Variants in TCF3 observed in about 807,000 individuals in gnomAD.
TCF3 encodes the protein transcription factor 3.
A neutral mutation model predicts 72.3 loss-of-function variants in TCF3; 54 were observed. The ratio of observed to expected loss-of-function variants is 0.75; its 90% confidence interval spans 0.60 to 0.94. TCF3 has a LOEUF of 0.94. TCF3 is among the 40% of genes least tolerant of loss of function. The pLI is 0.00. For missense variants in TCF3, 1,078 were observed against 934.4 expected (o/e 1.15, Z -2.00); for synonymous variants, 525 against 412.6 (o/e 1.27, Z -3.30).
At position 1,627,399 on chromosome 19, in the gene TCF3, G is replaced by C; in HGVS notation, c.326C>G (p.Ala109Gly). The C allele has an allele frequency of 5.6e-6, 9 of 1,612,032 alleles. No homozygotes were observed. Among genetic ancestry groups the C allele is most frequent in the Non-Finnish European group, 7.6e-6 (9 of 1,179,730 alleles). ...CACGCCTGCGTCTCTCCCGAAGGAG[G>C]CATAGGCGCCCCGCTCACCGCTCTT... ...GGKSGERGAYASFGRDAGVGG... is the reference protein window; with the variant it reads ...GGKSGERGAYGSFGRDAGVGG... Residue 109 changes from alanine to glycine, a missense_variant, in exon 6 of 19, where the codon GCC becomes GGC. By Grantham distance (60) the Ala-to-Gly change is moderately conservative. Transcript: ENST00000262965.
At chr19:1,633,217 C>G (rs2063934454) in intron 3 of TCF3, among the ~76,000 whole-genome samples, 1 of 152,216 alleles carries the variant, frequency 6.6e-6, no homozygotes, top group Non-Finnish European at 1.5e-5. Context: ...GGCCACAGAG[C>G]ACACCCGTGG....
At chr19:1,619,913 G>A in intron 13 of TCF3, 60 bp from the exon 14 acceptor site, 1 of 1,395,660 alleles carries the variant, frequency 7.2e-7, no homozygotes, top group Non-Finnish European at 9.9e-7. Context: ...ATGGCCTGAT[G>A]CCCATGGGGA....
At chr19:1,652,070 G>C (rs1465401484) in intron 1 of TCF3, among the ~76,000 whole-genome samples, 6 of 150,512 alleles carry the variant, frequency 4.0e-5, no homozygotes, top group East Asian at 4.0e-4. Context: ...CCGGCCCGAC[G>C]GGGGCGACGC....
chr19:1,646,460 C>T (rs1281105310), intron 2 of TCF3, 33 bp from the exon 3 acceptor site: 11 of 1,347,324 alleles, frequency 8.2e-6, no homozygotes, highest in Admixed American at 6.0e-5. Flanking sequence ...GTGAGCGGGG[C>T]GGGTGGCAAA....
Position 1,622,334 on chromosome 19 carries a change from G to T in TCF3, c.631C>A (p.Pro211Thr). ...GTACCTGCCACGTAGAAGGGGGCGGGATAGGTGCTGCTGGGGGTCTTGGCG... is the reference window on the plus strand; with the variant it reads ...GTACCTGCCACGTAGAAGGGGGCGGTATAGGTGCTGCTGGGGGTCTTGGCG... ...PSAKTPSSTYPAPFYVADGSL... is the reference protein window; with the variant it reads ...PSAKTPSSTYTAPFYVADGSL... The change falls in exon 9 of 19, where the codon CCC becomes ACC. Residue 211 changes from proline (P) to threonine (T), a missense_variant. By Grantham distance (38) the Pro-to-Thr change is conservative (BLOSUM62 -1). Coordinates refer to ENST00000262965, the MANE Select transcript of TCF3 (RefSeq NM_003200.5). The T allele has an allele frequency of 1.4e-6, 2 of 1,468,302 alleles. No individual in the cohort carries two copies. The allele number at this position is 1,468,302 out of a possible 1,614,324, so 91.0% of individuals were successfully genotyped here.
chr19:1,621,204 A>C lies in TCF3; in HGVS notation c.956-13T>G. On this transcript the variant is annotated splice_polypyrimidine_tract_variant and intron_variant, in intron 11 of 18. Coordinates refer to ENST00000262965, the MANE Select transcript of TCF3 (RefSeq NM_003200.5). ...GTCCCTCGGGAGCCTGTGGGTGAAGAGAGGTGAGGCCCACGCAGCCCGGCC... is the reference window on the plus strand; with the variant it reads ...GTCCCTCGGGAGCCTGTGGGTGAAGCGAGGTGAGGCCCACGCAGCCCGGCC... 6.5e-7 allele frequency: 1 copy of C among 1,534,396 alleles called. No individual in the cohort carries two copies. The highest frequency in any genetic ancestry group is 8.7e-7 in the Non-Finnish European group (1 of 1,145,744).
At chr19:1,638,443 C>T (rs1266029939) in intron 3 of TCF3, among the ~76,000 whole-genome samples, 3 of 152,130 alleles carry the variant, frequency 2.0e-5, no homozygotes, top group South Asian at 2.1e-4. Context: ...CCACCGCGCC[C>T]GGCTAATTTT....
Position 1,615,149 on chromosome 19 carries a change from GCA to G in TCF3, c.1822+134_1822+135del. 9.5e-7 allele frequency: 1 copy of G among 1,054,848 alleles called. No homozygotes were observed. The highest frequency in any genetic ancestry group is 1.3e-6 in the Non-Finnish European group (1 of 749,258). 65.3% of individuals were successfully genotyped at this position (1,054,848 alleles called of 1,614,324 possible). ...GGCAATGCGGTCAGAGGGGTGAAGG[GCA>G]CAGTCACTGCAAGGAGGCAACTGCT... On this transcript the variant is annotated intron_variant, in intron 18 of 18. Coordinates refer to ENST00000262965, the MANE Select transcript of TCF3 (RefSeq NM_003200.5). The surrounding 1 kb of genome is among the most constrained non-coding windows in gnomAD (Gnocchi z 7.3).
intron 14 of TCF3, 31 bp downstream of exon 14, chr19:1,619,749 A>ACGGGTGGGGT: frequency 5.8e-6 from 3 of 513,040 alleles, no homozygotes; most frequent in Non-Finnish European, 8.1e-6. Context: ...TCTGTCGGGG[A>ACGGGTGGGGT]AGGGTGGGGT....
chr19:1,619,840 C>T lies in TCF3; in HGVS notation c.1107G>A (p.Trp369Ter). Residue 369 changes from tryptophan to a stop codon, truncating the protein, a stop_gained, in exon 14 of 19, where the codon TGG becomes TGA. Coordinates refer to ENST00000262965, the MANE Select transcript of TCF3 (RefSeq NM_003200.5). LOFTEE classifies it high-confidence loss of function. ...AGGCACCGGGGGCTCCTGCTCGAGGCCACTGTGACGTTCCTGGAAGGGAGT... is the reference window on the plus strand; with the variant it reads ...AGGCACCGGGGGCTCCTGCTCGAGGTCACTGTGACGTTCCTGGAAGGGAGT... ...SPQGLAGTSQ[W>*]PRAGAPGALS... The T allele has an allele frequency of 6.3e-7, 1 of 1,578,438 alleles. No homozygotes were observed. The highest frequency in any genetic ancestry group is 8.6e-7 in the Non-Finnish European group (1 of 1,162,994).
In TCF3 at chr19:1,622,420, G is replaced by A. The variant is rs765330837; in HGVS notation, c.550-5C>T. ...ACCTGAGCTGGGTGGGTACACCTGC[G>A]GGCGGGTGGGCGGTGGGGGGTGCAG... On this transcript the variant is annotated splice_region_variant and splice_polypyrimidine_tract_variant and intron_variant, in intron 8 of 18. Transcript: ENST00000262965. The A allele has an allele frequency of 2.1e-5, 30 of 1,404,402 alleles. No individual in the cohort carries two copies. Among genetic ancestry groups the A allele is most frequent in the Admixed American group, 5.3e-5 (2 of 37,534 alleles). 87.0% of individuals were successfully genotyped at this position (1,404,402 alleles called of 1,614,324 possible).
At position 1,622,326 on chromosome 19, in the gene TCF3, G is replaced by A; in HGVS notation, c.639C>T (p.Pro213=). 6.5e-7 allele frequency: 1 copy of A among 1,534,424 alleles called. No homozygotes were observed. The highest frequency in any genetic ancestry group is 1.3e-5 in the South Asian group (1 of 78,940). Reference sequence around the variant, plus strand: ...CCTGCCATGTACCTGCCACGTAGAAGGGGGCGGGATAGGTGCTGCTGGGGG... The same window carrying A: ...CCTGCCATGTACCTGCCACGTAGAAAGGGGCGGGATAGGTGCTGCTGGGGG... ...AKTPSSTYPA[P]FYVADGSLHP... Residue 213 remains proline, a synonymous_variant, in exon 9 of 19, where the codon CCC becomes CCT. Transcript: ENST00000262965.
At chr19:1,633,955 G>T (rs1271536303) in intron 3 of TCF3, among the ~76,000 whole-genome samples, 1 of 152,196 alleles carries the variant, frequency 6.6e-6, no homozygotes, top group Admixed American at 6.5e-5. Context: ...AGTACCCCAG[G>T]AGGTGCAGAG....
chr19:1,641,270 G>A (rs974783725), intron 3 of TCF3, among the ~76,000 whole-genome samples: 1 of 151,358 alleles, frequency 6.6e-6, no homozygotes, highest in South Asian at 2.1e-4. Flanking sequence ...CAGAATAAAA[G>A]CTAATCTCAG....
At chr19:1,612,128 G>T in intron 18 of TCF3, 1 of 1,415,350 alleles carries the variant, frequency 7.1e-7, no homozygotes, top group Non-Finnish European at 9.4e-7. Flanking sequence ...GGGGCGGCAA[G>T]CACAGGAGGA....
At position 1,621,289 on chromosome 19, in the gene TCF3, G is replaced by A. The variant is rs1459613788; in HGVS notation, c.956-98C>T. 1.0e-5 allele frequency: 14 copies of A among 1,377,024 alleles called. No homozygotes were observed. In the South Asian group the frequency reaches 1.9e-4, roughly 18 times the overall value. The allele number at this position is 1,377,024 out of a possible 1,614,324, so 85.3% of individuals were successfully genotyped here. ...TCTGCCGTCCTGCACAGACACTGCT[G>A]CGCCAGGGAGAGCAGCCTGACTCGG... On this transcript the variant is annotated intron_variant, in intron 11 of 18. Coordinates refer to ENST00000262965, the MANE Select transcript of TCF3 (RefSeq NM_003200.5).
Position 1,610,139 on chromosome 19 carries a change from G to A in TCF3, c.*1568C>T, listed in dbSNP as rs532082543. 3 of 232,640 alleles carry A rather than the reference G, an allele frequency of 1.3e-5. No homozygotes were observed. The highest frequency in any genetic ancestry group is 1.2e-4 in the East Asian group (2 of 16,488). The allele number at this position is 232,640 out of a possible 1,614,324, so 14.4% of individuals were successfully genotyped here. ...CTCATGGCAAAAGACCAGAAAAGGA[G>A]ACCTGGAGAGAGGCCTGGGTGCTGG... On this transcript the variant is annotated 3_prime_UTR_variant, in exon 19 of 19. Transcript: ENST00000262965.
chr19:1,620,261 T>A (rs1321770230), intron 13 of TCF3, among the ~76,000 whole-genome samples: 1 of 152,094 alleles, frequency 6.6e-6, no homozygotes, highest in Non-Finnish European at 1.5e-5. Flanking sequence ...TTCCTGGCGC[T>A]TCCCATGGGG....
Position 1,611,721 on chromosome 19 carries a change from C to T in TCF3, c.1951G>A (p.Ala651Thr), listed in dbSNP as rs149962284. The change falls in exon 19 of 19, where the codon GCC (alanine) becomes ACC (threonine). Residue 651 changes from alanine to threonine, a missense_variant. By Grantham distance (58) the Ala-to-Thr change is moderately conservative. Coordinates refer to ENST00000262965, the MANE Select transcript of TCF3 (RefSeq NM_003200.5). ...HPGLSEAHNP[A>T]GHM ...AGGCATACCTTTCACATGTGCCCGG[C>T]GGGGTTGTGGGCTTCGCTCAGGCCT... 46 of 1,613,138 alleles carry T rather than the reference C, an allele frequency of 2.9e-5. No homozygotes were observed. The highest frequency in any genetic ancestry group is 3.3e-5 in the Non-Finnish European group (39 of 1,179,634).
Sources: allele counts gnomAD v4.1 joint callset (sites outside exome capture counted in the v4.1 genomes callset), GRCh38; gene constraint gnomAD v4.1.1; non-coding constraint Gnocchi (gnomAD v3.1); transcripts MANE v1.5; gene names NCBI Gene and HGNC (gene_info 2026-07-23, HGNC 2026-07-21).